The following MAGI2 variants were observed in gnomAD, a reference collection of about 807,000 sequenced individuals.
The protein encoded by MAGI2 is membrane associated guanylate kinase, WW and PDZ domain containing 2.
MAGI2 carries 35 observed loss-of-function variants against 133.3 expected under a neutral mutation model. The ratio of observed to expected loss-of-function variants is 0.26; its 90% CI spans 0.20 to 0.35. The LOEUF (loss-of-function observed/expected upper bound fraction) is 0.35. Ranked by LOEUF, MAGI2 falls within the 10% of genes least tolerant of loss-of-function variation. The pLI, the probability that MAGI2 is intolerant of heterozygous loss-of-function variation, is 1.00. For synonymous variants in MAGI2, 729 were observed against 710.6 expected (o/e 1.03, Z -0.41); for missense variants, 1,636 against 1,863.4 (o/e 0.88, Z 2.25).
chr7:78,311,320 A>T (rs760149917), intron 9 of MAGI2, among the ~76,000 whole-genome samples: 2 of 152,214 alleles, frequency 1.3e-5, no homozygotes, highest in Non-Finnish European at 2.9e-5. Context: ...ATGCCATAGA[A>T]CAAGGGAAGG....
At chr7:78,467,446 C>G (rs1790749964) in intron 6 of MAGI2, among the ~76,000 whole-genome samples, 1 of 151,694 alleles carries the variant, frequency 6.6e-6, no homozygotes, top group African/African-American at 2.4e-5. Context: ...TTAATTAAAA[C>G]AAAAAACTAT....
chr7:78,516,764 A>G (rs1262143055), intron 4 of MAGI2, among the ~76,000 whole-genome samples: 1 of 152,160 alleles, frequency 6.6e-6, no homozygotes, highest in Non-Finnish European at 1.5e-5. Context: ...TCCACAAATG[A>G]GTTAGTAAGG....
intron 1 of MAGI2, among the ~76,000 whole-genome samples, chr7:79,243,189 G>A (rs1218279714): frequency 6.6e-6 from 1 of 152,048 alleles, no homozygotes; most frequent in African/African-American, 2.4e-5. Flanking sequence ...GTTCTGAAAA[G>A]CCCCATACAG....
intron 2 of MAGI2, among the ~76,000 whole-genome samples, chr7:78,684,097 A>G (rs139925676): frequency 3.4e-4 from 52 of 152,286 alleles, no homozygotes; most frequent in African/African-American, 1.3e-3. Context: ...TAAGCCCAAT[A>G]TAGTATGTAT....
chr7:78,375,311 T>C (rs888435968), intron 6 of MAGI2, among the ~76,000 whole-genome samples: 2 of 152,148 alleles, frequency 1.3e-5, no homozygotes, highest in Non-Finnish European at 2.9e-5. Flanking sequence ...ACAGATTCAG[T>C]AACAGGAGTG....
chr7:78,359,696 T>C (rs941829694), intron 7 of MAGI2, among the ~76,000 whole-genome samples: 8 of 151,780 alleles, frequency 5.3e-5, no homozygotes, highest in Non-Finnish European at 1.2e-4. Flanking sequence ...TATATGTTAC[T>C]GTCCAACCAA....
chr7:78,507,605 A>G (rs1189301497), intron 4 of MAGI2, among the ~76,000 whole-genome samples: 5 of 152,222 alleles, frequency 3.3e-5, no homozygotes, highest in African/African-American at 1.2e-4. Context: ...CTGAGCAACT[A>G]TATAGAGTAC....
intron 21 of MAGI2, among the ~76,000 whole-genome samples, chr7:78,070,210 TATATATATAC>T (rs1729655936): frequency 1.8e-5 from 1 of 55,424 alleles, no homozygotes; most frequent in Non-Finnish European, 4.4e-5. Context: ...TATATATATA[TATATATATAC>T]ACACACACAC....
intron 9 of MAGI2, among the ~76,000 whole-genome samples, chr7:78,319,370 C>T (rs1029396358): frequency 3.9e-5 from 6 of 152,108 alleles, no homozygotes; most frequent in South Asian, 2.1e-4. Flanking sequence ...AAATTGACCA[C>T]GTGATTGGAA....
chr7:78,263,090 T>C (rs1793669319), intron 9 of MAGI2, among the ~76,000 whole-genome samples: 1 of 152,226 alleles, frequency 6.6e-6, no homozygotes, highest in Admixed American at 6.5e-5. Flanking sequence ...TTTGATTTTC[T>C]GTTCTTGTGT....
At chr7:79,451,172 CACA>C (rs748858530) in intron 1 of MAGI2, among the ~76,000 whole-genome samples, 17 of 152,206 alleles carry the variant, frequency 1.1e-4, no homozygotes, top group Non-Finnish European at 1.2e-4. Context: ...CAGAATTGAA[CACA>C]ACATTTAAGA....
intron 1 of MAGI2, among the ~76,000 whole-genome samples, chr7:79,119,688 C>T (rs1232625444): frequency 1.3e-5 from 2 of 152,064 alleles, no homozygotes; most frequent in African/African-American, 4.8e-5. Flanking sequence ...AATCCCAACG[C>T]TCATCCCTCC....
chr7:78,368,831 C>T (rs990168745), intron 7 of MAGI2, among the ~76,000 whole-genome samples: 3 of 152,134 alleles, frequency 2.0e-5, no homozygotes, highest in Admixed American at 2.0e-4. Flanking sequence ...ATCTCATTTG[C>T]ACAACCAGTC....
At chr7:79,172,897 G>A (rs1825748425) in intron 1 of MAGI2, 1 of 151,954 alleles carries the variant, frequency 6.6e-6, no homozygotes. Context: ...TTACTTATAT[G>A]TAAAATGTGA....
intron 1 of MAGI2, among the ~76,000 whole-genome samples, chr7:79,072,911 G>A (rs1421118201): frequency 6.6e-6 from 1 of 152,170 alleles, no homozygotes. Flanking sequence ...AGGTTCAGTA[G>A]TTGTCCCTGT....
intron 2 of MAGI2, among the ~76,000 whole-genome samples, chr7:78,778,008 T>A (rs1057431980): frequency 6.6e-6 from 1 of 152,188 alleles, no homozygotes; most frequent in Admixed American, 6.5e-5. Flanking sequence ...TACCCAGCGA[T>A]CATGAATAAA....
At chr7:79,235,820 A>G (rs1412658489) in intron 1 of MAGI2, among the ~76,000 whole-genome samples, 1 of 152,312 alleles carries the variant, frequency 6.6e-6, no homozygotes, top group East Asian at 1.9e-4. Context: ...GCCTTGAAAA[A>G]TATTCTAAGT....
At chr7:79,316,450 C>CA (rs1403936905) in intron 1 of MAGI2, among the ~76,000 whole-genome samples, 1 of 152,096 alleles carries the variant, frequency 6.6e-6, no homozygotes, top group Non-Finnish European at 1.5e-5. Flanking sequence ...TATATATACA[C>CA]ACACATATAT....
chr7:79,342,219 C>T (rs565744385), intron 1 of MAGI2, among the ~76,000 whole-genome samples: 5 of 152,302 alleles, frequency 3.3e-5, no homozygotes, highest in East Asian at 1.9e-4. Context: ...CAATTCTTCC[C>T]GTTAAACCTT....
Sources: allele counts gnomAD v4.1 joint callset (sites outside exome capture counted in the v4.1 genomes callset), GRCh38; gene constraint gnomAD v4.1.1; transcripts MANE v1.5; gene names NCBI Gene and HGNC (gene_info 2026-07-23, HGNC 2026-07-21).